RPSA2: variants seen among roughly 807,000 people sequenced by gnomAD.
RPSA2 encodes the protein small ribosomal subunit protein uS2B.
At chr19:23,859,509 C>T in the RPSA2 span, among the ~76,000 whole-genome samples, 1 of 152,090 alleles carries the variant, frequency 6.6e-6, no homozygotes, top group Non-Finnish European at 1.5e-5. Context: ...TGCCTGTAAT[C>T]CCAGCAACCC....
At chr19:23,868,543 A>G in the RPSA2 span, among the ~76,000 whole-genome samples, 19 of 152,314 alleles carry the variant, frequency 1.2e-4, no homozygotes, top group African/African-American at 4.6e-4. Flanking sequence ...ACCAGCCACC[A>G]CCTCAAACAA....
the RPSA2 span, among the ~76,000 whole-genome samples, chr19:23,860,264 C>A: frequency 6.6e-6 from 1 of 152,130 alleles, no homozygotes; most frequent in Non-Finnish European, 1.5e-5. Flanking sequence ...CACGACCCTC[C>A]CAAACTATAT....
chr19:23,864,733 G>A, the RPSA2 span, among the ~76,000 whole-genome samples: 1 of 152,144 alleles, frequency 6.6e-6, no homozygotes, highest in Non-Finnish European at 1.5e-5. Flanking sequence ...ACTACTAAAT[G>A]CACGCATATG....
At chr19:23,794,609 G>A in the RPSA2 span, among the ~76,000 whole-genome samples, 2 of 148,472 alleles carry the variant, frequency 1.3e-5, no homozygotes, top group Non-Finnish European at 3.0e-5. Flanking sequence ...AGCATAGTTT[G>A]CAAATATTTC....
At chr19:23,805,146 CACACACACACACACACA>C in the RPSA2 span, among the ~76,000 whole-genome samples, 2 of 7,166 alleles carry the variant, frequency 2.8e-4, no homozygotes, top group Admixed American at 3.5e-3. Flanking sequence ...CACACACACA[CACACACACACACACACA>C]CTTTTTTTCT....
chr19:23,769,501 A>G, the RPSA2 span, among the ~76,000 whole-genome samples: 135 of 151,800 alleles, frequency 8.9e-4, 1 homozygote, highest in Non-Finnish European at 1.4e-3. Flanking sequence ...GCACCGCCAC[A>G]GTCAGCTACT....
chr19:23,857,485 CTTTTTT>C, the RPSA2 span, among the ~76,000 whole-genome samples: 12 of 95,258 alleles, frequency 1.3e-4, no homozygotes, highest in East Asian at 2.1e-3. Context: ...TTTTTAAAGT[CTTTTTT>C]TTTTTTTTTT....
the RPSA2 span, among the ~76,000 whole-genome samples, chr19:23,774,908 T>A: frequency 0.071 from 10,791 of 152,260 alleles, 489 homozygotes; most frequent in East Asian, 0.22. Flanking sequence ...GTTACCCAGA[T>A]GATGTAACTC....
At chr19:23,766,616 G>C in the RPSA2 span, among the ~76,000 whole-genome samples, 2 of 151,584 alleles carry the variant, frequency 1.3e-5, no homozygotes, top group African/African-American at 4.8e-5. Context: ...CACCTTGCCC[G>C]GCTAATTTTT....
At chr19:23,762,238 C>T in the RPSA2 span, among the ~76,000 whole-genome samples, 1 of 150,360 alleles carries the variant, frequency 6.7e-6, no homozygotes, top group African/African-American at 2.4e-5. Flanking sequence ...TCTTTCTAAA[C>T]CATTCTCAGC....
chr19:23,851,391 G>T, the RPSA2 span, among the ~76,000 whole-genome samples: 17 of 152,170 alleles, frequency 1.1e-4, no homozygotes, highest in Non-Finnish European at 2.1e-4. Flanking sequence ...GGTTGCAAAA[G>T]AGACCAAAAG....
chr19:23,838,761 A>AT, the RPSA2 span, among the ~76,000 whole-genome samples: 92,988 of 151,944 alleles, frequency 0.61, 28,788 homozygotes, highest in African/African-American at 0.67. Context: ...GCCTTGAATG[A>AT]TTTTTTGTAT....
chr19:23,764,302 A>C, the RPSA2 span, among the ~76,000 whole-genome samples: 2 of 152,126 alleles, frequency 1.3e-5, no homozygotes, highest in African/African-American at 4.8e-5. Flanking sequence ...ATAAATTTCC[A>C]CTTTCTTTCC....
chr19:23,768,679 G>T, the RPSA2 span, among the ~76,000 whole-genome samples: 3 of 123,294 alleles, frequency 2.4e-5, no homozygotes, highest in Non-Finnish European at 3.5e-5. Context: ...CCTTCACCTC[G>T]CAGGTTCAAG....
chr19:23,839,621 G>A, the RPSA2 span, among the ~76,000 whole-genome samples: 1 of 152,228 alleles, frequency 6.6e-6, no homozygotes, highest in Non-Finnish European at 1.5e-5. Flanking sequence ...TTCTTGCCAG[G>A]AGGCTTCTTG....
At chr19:23,849,859 T>A in the RPSA2 span, among the ~76,000 whole-genome samples, 2 of 152,160 alleles carry the variant, frequency 1.3e-5, no homozygotes, top group African/African-American at 2.4e-5. Context: ...TCAACATTTT[T>A]AGGACATAGT....
the RPSA2 span, among the ~76,000 whole-genome samples, chr19:23,853,359 T>C: frequency 2.0e-5 from 1 of 50,026 alleles, no homozygotes; most frequent in East Asian, 6.5e-4. Context: ...CTTGCCTGAT[T>C]TCTTTTTTAC....
the RPSA2 span, among the ~76,000 whole-genome samples, chr19:23,840,741 T>G: frequency 6.6e-6 from 1 of 151,980 alleles, no homozygotes; most frequent in African/African-American, 2.4e-5. Flanking sequence ...GCAGATCACC[T>G]GAGGTCAGGA....
At chr19:23,825,950 GA>G in the RPSA2 span, among the ~76,000 whole-genome samples, 1 of 149,488 alleles carries the variant, frequency 6.7e-6, no homozygotes, top group Non-Finnish European at 1.5e-5. Context: ...TTCTGTGTGG[GA>G]GAAACACTTT....
Sources: gnomAD v4.1 joint callset for allele counts (sites outside exome capture counted in the v4.1 genomes callset) on GRCh38, gnomAD v4.1.1 for gene constraint, MANE v1.5 for transcripts, NCBI Gene and HGNC (gene_info 2026-07-23, HGNC 2026-07-21) for gene names.